The following PRTFDC1 variants were observed in gnomAD, a reference collection of about 807,000 sequenced individuals.
PRTFDC1 encodes the protein phosphoribosyltransferase domain-containing protein 1.
Under a neutral mutation model 34.6 loss-of-function variants are expected in PRTFDC1, and 38 were observed. The ratio of observed to expected loss-of-function variants is 1.10; its 90% CI spans 0.85 to 1.44. The LOEUF (loss-of-function observed/expected upper bound fraction) is 1.44, where lower values mean the gene tolerates loss of function less well. PRTFDC1 is among the 40% of genes most tolerant of loss of function. The pLI is 0.00. For missense variants in PRTFDC1, 270 were observed against 283.0 expected (o/e 0.95, Z 0.33); for synonymous variants, 93 against 98.1 (o/e 0.95, Z 0.31).
chr10:24,895,690 T>G (rs536323515), intron 3 of PRTFDC1, among the ~76,000 whole-genome samples: 26 of 98,744 alleles, frequency 2.6e-4, no homozygotes, highest in African/African-American at 7.9e-4. Flanking sequence ...CTGGGGTGGA[T>G]ATATATATAT....
At chr10:24,912,953 C>T (rs886328414) in intron 3 of PRTFDC1, among the ~76,000 whole-genome samples, 6 of 152,248 alleles carry the variant, frequency 3.9e-5, no homozygotes, top group African/African-American at 1.2e-4. Context: ...CTTCCAAAGC[C>T]GTCCCTTTAC....
chr10:24,856,990 A>C lies in PRTFDC1; in HGVS notation c.429T>G (p.Val143=), dbSNP rs758469569. The C allele has an allele frequency of 6.0e-5, 96 of 1,612,838 alleles. No homozygotes were observed. The highest frequency in any genetic ancestry group is 8.0e-5 in the Non-Finnish European group (94 of 1,178,912). The change falls in exon 6 of 9, where the codon GTT becomes GTG. Residue 143 remains valine (V), a synonymous_variant. Transcript: ENST00000320152. The stretch of plus-strand genomic sequence containing the variant: ...CTTTCATGGTCCTCCCAGTTCCGAC[A>C]ACATCCTTTGCAAAAAGGACAGATA... ...AGKNVLIVED[V]VGTGRTMKAL...
intron 4 of PRTFDC1, among the ~76,000 whole-genome samples, chr10:24,861,598 C>T (rs1243280352): frequency 6.6e-6 from 1 of 152,064 alleles, no homozygotes; most frequent in Non-Finnish European, 1.5e-5. Context: ...CACTTCACCT[C>T]TGTTTGCTCC....
chr10:24,948,421 A>T (rs1849286699), intron 1 of PRTFDC1, among the ~76,000 whole-genome samples: 1 of 152,216 alleles, frequency 6.6e-6, no homozygotes, highest in Non-Finnish European at 1.5e-5. Context: ...GCTCCAGATC[A>T]AGTGACAAGC....
chr10:24,891,622 T>TC (rs754798612), intron 3 of PRTFDC1, among the ~76,000 whole-genome samples: 5 of 109,160 alleles, frequency 4.6e-5, no homozygotes, highest in Non-Finnish European at 9.2e-5. Flanking sequence ...AAACCCAGTC[T>TC]CTTAAAAAAA....
chr10:24,849,951 G>T (rs907301755), intron 8 of PRTFDC1, 60 bp from the exon 9 acceptor site: 8 of 1,520,788 alleles, frequency 5.3e-6, no homozygotes, highest in Non-Finnish European at 7.3e-6. Flanking sequence ...ACACAGAAAA[G>T]GTGATGCAGT....
chr10:24,937,305 C>T lies in PRTFDC1; in HGVS notation c.218G>A (p.Cys73Tyr), dbSNP rs765301290. The T allele has an allele frequency of 2.1e-4, 332 of 1,613,918 alleles. No individual in the cohort carries two copies. The highest frequency in any genetic ancestry group is 3.2e-4 in the Admixed American group (19 of 59,984). The change falls in exon 3 of 9, where the codon TGT (cysteine) becomes TAT (tyrosine). Residue 73 changes from cysteine (C) to tyrosine (Y), a missense_variant. Cys to Tyr is a radical substitution (Grantham distance 194). Coordinates refer to ENST00000320152, the MANE Select transcript of PRTFDC1 (RefSeq NM_020200.7). ...DIGYSDIMVLCVLKGGYKFCA... is the reference protein window; with the variant it reads ...DIGYSDIMVLYVLKGGYKFCA... ...GAATTTGTAACCTCCTTTAAGCACA[C>T]ACAGGACCATGATGTCACTATATCC...
chr10:24,914,822 G>A (rs559949661), intron 3 of PRTFDC1, among the ~76,000 whole-genome samples: 12 of 152,132 alleles, frequency 7.9e-5, no homozygotes, highest in Non-Finnish European at 1.8e-4. Flanking sequence ...AAAACAAGTA[G>A]CTTCTACCTC....
At chr10:24,912,328 T>C (rs1182143774) in intron 3 of PRTFDC1, among the ~76,000 whole-genome samples, 6 of 150,190 alleles carry the variant, frequency 4.0e-5, no homozygotes, top group South Asian at 2.1e-4. Flanking sequence ...TTTTTTTTTT[T>C]CAGAGAGGCT....
intron 6 of PRTFDC1, 144 bp from the exon 7 acceptor site, chr10:24,855,508 C>A: frequency 1.1e-6 from 1 of 924,926 alleles, no homozygotes; most frequent in Non-Finnish European, 1.7e-6. Context: ...AAAAAGAAGA[C>A]AGCAGGTCAG....
intron 3 of PRTFDC1, among the ~76,000 whole-genome samples, chr10:24,928,832 T>C (rs1848921878): frequency 6.6e-6 from 1 of 151,546 alleles, no homozygotes; most frequent in Admixed American, 6.6e-5. Flanking sequence ...GGTCAGGAGA[T>C]AGAGACCATC....
At chr10:24,899,754 C>A (rs1277471026) in intron 3 of PRTFDC1, among the ~76,000 whole-genome samples, 2 of 152,148 alleles carry the variant, frequency 1.3e-5, no homozygotes, top group Non-Finnish European at 2.9e-5. Context: ...AGACAGATGA[C>A]AATGATGAAT....
intron 4 of PRTFDC1, among the ~76,000 whole-genome samples, chr10:24,871,625 G>T (rs921372033): frequency 6.6e-6 from 1 of 150,910 alleles, no homozygotes; most frequent in Non-Finnish European, 1.5e-5. Flanking sequence ...TTACTGACGT[G>T]CCTGGGTGCA....
At chr10:24,951,665 A>G in intron 1 of PRTFDC1, 10 of 941,554 alleles carry the variant, frequency 1.1e-5, no homozygotes, top group Non-Finnish European at 1.3e-5. Flanking sequence ...TGAGTTTCAC[A>G]CTGAACCTGA....
chr10:24,855,597 A>G (rs1431074601), intron 6 of PRTFDC1, among the ~76,000 whole-genome samples: 1 of 151,878 alleles, frequency 6.6e-6, no homozygotes, highest in African/African-American at 2.4e-5. Flanking sequence ...GTTCAAGACC[A>G]GTCTGGGCAA....
intron 3 of PRTFDC1, among the ~76,000 whole-genome samples, chr10:24,891,458 G>A (rs1055927470): frequency 1.3e-5 from 2 of 152,078 alleles, no homozygotes; most frequent in African/African-American, 2.4e-5. Flanking sequence ...CCTAGATGGA[G>A]TAACAAAGAC....
chr10:24,929,794 A>C (rs190295631), intron 3 of PRTFDC1, among the ~76,000 whole-genome samples: 12 of 152,344 alleles, frequency 7.9e-5, no homozygotes, highest in Admixed American at 3.3e-4. Context: ...CTGTCTAAAA[A>C]GTCACTTGCT....
intron 3 of PRTFDC1, among the ~76,000 whole-genome samples, chr10:24,921,200 C>T (rs960294975): frequency 1.8e-4 from 28 of 151,944 alleles, no homozygotes; most frequent in African/African-American, 6.5e-4. Context: ...TCATTTTTGT[C>T]CTAAGAAATT....
chr10:24,864,746 A>C (rs1249195616), intron 4 of PRTFDC1, among the ~76,000 whole-genome samples: 1 of 152,102 alleles, frequency 6.6e-6, no homozygotes, highest in Non-Finnish European at 1.5e-5. Flanking sequence ...ATCCACAATA[A>C]CTCTGAGATA....
Sources: allele counts gnomAD v4.1 joint callset (sites outside exome capture counted in the v4.1 genomes callset), GRCh38; gene constraint gnomAD v4.1.1; transcripts MANE v1.5; gene names NCBI Gene and HGNC (gene_info 2026-07-23, HGNC 2026-07-21).